Variants in CFAP53 observed in about 807,000 individuals in gnomAD.
CFAP53 encodes the protein cilia and flagella associated protein 53, also known as cilia- and flagella-associated protein 53.
A neutral mutation model predicts 59.7 loss-of-function variants in CFAP53; 62 were observed. That is an observed-to-expected ratio of 1.04 (90% confidence interval 0.85 to 1.28). CFAP53 has a LOEUF of 1.28. Among genes scored for constraint, CFAP53 ranks in the 50% most tolerant of loss-of-function variants. The pLI, the probability that CFAP53 is intolerant of heterozygous loss-of-function variation, is 0.00. For synonymous variants in CFAP53, 218 were observed against 205.7 expected, an observed-to-expected ratio of 1.06 and a Z score of -0.51; for missense variants, 629 against 615.6, an observed-to-expected ratio of 1.02 and a Z score of -0.23.
chr18:50,234,367 A>G (rs2033610401), intron 7 of CFAP53, among the ~76,000 whole-genome samples: 1 of 152,198 alleles, frequency 6.6e-6, no homozygotes. Flanking sequence ...TTATCTCATT[A>G]ATGTTTAAAA....
intron 7 of CFAP53, among the ~76,000 whole-genome samples, chr18:50,233,105 CT>C (rs546187914): frequency 1.3e-5 from 2 of 152,240 alleles, no homozygotes; most frequent in African/African-American, 2.4e-5. Context: ...CTCTATCTTC[CT>C]TTTTTTCTGC....
chr18:50,263,211 T>C (rs1223134415), intron 1 of CFAP53, among the ~76,000 whole-genome samples: 1 of 152,188 alleles, frequency 6.6e-6, no homozygotes, highest in African/African-American at 2.4e-5. Flanking sequence ...ATAAAATCCA[T>C]AGTCTTGAGC....
At position 50,233,872 on chromosome 18, in the gene CFAP53, C is replaced by T. The variant is rs565769995; in HGVS notation, c.1316+4731G>A. ...GATTCAACTACACCATTTACACACA[C>T]ACCAAAAACACAGGTTTAGGAGGGG... On this transcript the variant is annotated intron_variant, in intron 7 of 7. Transcript: ENST00000398545. Among the ~76,000 whole-genome samples the T allele has an allele frequency of 4.6e-5, 7 of 152,318 alleles. No homozygotes were observed. The East Asian group carries it at 1.2e-3, about 25-fold the overall frequency.
chr18:50,255,957 A>G (rs530980578), intron 3 of CFAP53: 6 of 152,322 alleles, frequency 3.9e-5, no homozygotes, highest in Admixed American at 3.9e-4. Context: ...AGGGTCTAAT[A>G]ACGCATCCTT....
chr18:50,258,080 TAAGAA>T (rs1218976646), intron 3 of CFAP53, among the ~76,000 whole-genome samples: 2 of 150,822 alleles, frequency 1.3e-5, no homozygotes, highest in Non-Finnish European at 3.0e-5. Flanking sequence ...TAAAAGAAAA[TAAGAA>T]AAGAAAAGAA....
In CFAP53 at chr18:50,254,908, A is replaced by T. The variant is rs558100786; in HGVS notation, c.474-3124T>A. ...CTCTGTCTCAAACAAAACAAAACAA[A>T]TTTGCATATGATCCAGCAATAGTAT... On this transcript the variant is annotated intron_variant, in intron 3 of 7. Transcript: ENST00000398545. Among the ~76,000 whole-genome samples, 9 of 152,272 alleles carry T rather than the reference A, an allele frequency of 5.9e-5. No homozygotes were observed. In the South Asian group the frequency reaches 1.9e-3, roughly 32 times the overall value.
chr18:50,259,005 T>C (rs924818119), intron 3 of CFAP53, among the ~76,000 whole-genome samples: 1 of 152,202 alleles, frequency 6.6e-6, no homozygotes, highest in African/African-American at 2.4e-5. Flanking sequence ...ACACTGTTTG[T>C]GGGAATGTAA....
At chr18:50,242,021 C>T (rs923260801) in intron 6 of CFAP53, among the ~76,000 whole-genome samples, 3 of 152,166 alleles carry the variant, frequency 2.0e-5, no homozygotes, top group African/African-American at 7.2e-5. Context: ...CCCAGGAATG[C>T]ATTCCTTCCA....
intron 7 of CFAP53, among the ~76,000 whole-genome samples, chr18:50,236,887 C>T (rs193287517): frequency 3.6e-4 from 55 of 152,254 alleles, no homozygotes; most frequent in Non-Finnish European, 4.4e-5. Context: ...TGTTATGTAG[C>T]AATAGGTAAC....
At chr18:50,266,009 G>C (rs2033961323) in intron 1 of CFAP53, among the ~76,000 whole-genome samples, 1 of 152,168 alleles carries the variant, frequency 6.6e-6, no homozygotes, top group Non-Finnish European at 1.5e-5. Flanking sequence ...CCACTGCATG[G>C]GGGACAGACA....
At chr18:50,254,366 G>A (rs1368267737) in intron 3 of CFAP53, among the ~76,000 whole-genome samples, 3 of 152,092 alleles carry the variant, frequency 2.0e-5, no homozygotes, top group African/African-American at 7.2e-5. Flanking sequence ...CACATGAAAA[G>A]TTGCTCAACA....
At chr18:50,250,696 A>G in intron 5 of CFAP53, 62 bp downstream of exon 5, 3 of 1,325,498 alleles carry the variant, frequency 2.3e-6, no homozygotes, top group Non-Finnish European at 3.3e-6. Flanking sequence ...ATCTTCCACA[A>G]GACTGAGAAC....
intron 1 of CFAP53, among the ~76,000 whole-genome samples, chr18:50,265,711 A>C (rs1201745996): frequency 1.3e-5 from 2 of 152,232 alleles, no homozygotes; most frequent in Non-Finnish European, 2.9e-5. Context: ...TGAGGTTCTC[A>C]GCAGGAACCA....
intron 6 of CFAP53, among the ~76,000 whole-genome samples, chr18:50,241,527 G>C (rs141839643): frequency 6.6e-6 from 1 of 152,134 alleles, no homozygotes; most frequent in Non-Finnish European, 1.5e-5. Flanking sequence ...ATATTTCAAC[G>C]TAGGTCCTTT....
intron 6 of CFAP53, among the ~76,000 whole-genome samples, chr18:50,241,037 T>C (rs757879514): frequency 1.3e-5 from 2 of 152,212 alleles, no homozygotes; most frequent in Non-Finnish European, 2.9e-5. Flanking sequence ...ATAAGATTAA[T>C]GGTAGCCATA....
intron 5 of CFAP53, among the ~76,000 whole-genome samples, chr18:50,248,908 G>A (rs1422360182): frequency 6.6e-6 from 1 of 151,940 alleles, no homozygotes; most frequent in Non-Finnish European, 1.5e-5. Flanking sequence ...ACAGGTAAAT[G>A]GCTAAACAAA....
At chr18:50,238,551 C>A in intron 7 of CFAP53, 52 bp downstream of exon 7, 1 of 1,352,132 alleles carries the variant, frequency 7.4e-7, no homozygotes, top group African/African-American at 1.4e-5. Flanking sequence ...CATGGCTAGC[C>A]AAAAATCCAT....
chr18:50,252,060 C>T (rs1428756850), intron 3 of CFAP53, among the ~76,000 whole-genome samples: 1 of 152,012 alleles, frequency 6.6e-6, no homozygotes, highest in African/African-American at 2.4e-5. Context: ...AATGACTGAC[C>T]TATTCACTTG....
chr18:50,247,911 G>A (rs1172855182), intron 5 of CFAP53, among the ~76,000 whole-genome samples: 1 of 152,126 alleles, frequency 6.6e-6, no homozygotes, highest in African/African-American at 2.4e-5. Flanking sequence ...TGAATTGTAT[G>A]GTTTAAACTG....
Sources: allele counts gnomAD v4.1 joint callset (sites outside exome capture counted in the v4.1 genomes callset), GRCh38; gene constraint gnomAD v4.1.1; transcripts MANE v1.5; gene names NCBI Gene and HGNC (gene_info 2026-07-23, HGNC 2026-07-21).